DAO: variants seen among roughly 807,000 people sequenced by gnomAD.
DAO encodes the protein D-amino acid oxidase, also known as D-amino-acid oxidase.
A neutral mutation model predicts 50.1 loss-of-function variants in DAO; 51 were observed. The observed-to-expected ratio is 1.02, with a 90% CI of 0.81 to 1.29. The LOEUF (loss-of-function observed/expected upper bound fraction) is 1.29. Ranked by LOEUF, DAO falls within the 50% of genes most tolerant of loss-of-function variation. The pLI is 0.00. For synonymous variants in DAO, 160 were observed against 166.2 expected (o/e 0.96, Z 0.29); for missense variants, 436 against 439.4 (o/e 0.99, Z 0.07).
At chr12:108,895,668 GTGCA>G (rs2039545699) in intron 7 of DAO, among the ~76,000 whole-genome samples, 1 of 149,874 alleles carries the variant, frequency 6.7e-6, no homozygotes, top group African/African-American at 2.5e-5. Context: ...GTGAGGGTGT[GTGCA>G]TGTATGTAAG....
At chr12:108,881,803 A>G (rs1455651441) in intron 1 of DAO, among the ~76,000 whole-genome samples, 1 of 151,520 alleles carries the variant, frequency 6.6e-6, no homozygotes, top group Non-Finnish European at 1.5e-5. Flanking sequence ...ACAGGGTTTC[A>G]CCATATTGGC....
At chr12:108,899,170 T>C (rs1009498852) in intron 9 of DAO, among the ~76,000 whole-genome samples, 2 of 151,928 alleles carry the variant, frequency 1.3e-5, no homozygotes, top group Admixed American at 6.6e-5. Context: ...TGGTTGATGA[T>C]GGAATTGGTG....
intron 1 of DAO, among the ~76,000 whole-genome samples, chr12:108,880,865 G>A (rs2039370262): frequency 6.6e-6 from 1 of 152,082 alleles, no homozygotes; most frequent in Non-Finnish European, 1.5e-5. Flanking sequence ...GCATCAAGTG[G>A]CAACTGCATG....
intron 4 of DAO, among the ~76,000 whole-genome samples, chr12:108,889,783 A>T (rs1310494558): frequency 6.6e-6 from 1 of 152,052 alleles, no homozygotes; most frequent in African/African-American, 2.4e-5. Flanking sequence ...ATATCACCAT[A>T]TTGTTTTGTA....
At chr12:108,894,853 C>G (rs960173057) in intron 7 of DAO, among the ~76,000 whole-genome samples, 16 of 152,228 alleles carry the variant, frequency 1.1e-4, no homozygotes, top group South Asian at 8.3e-4. Context: ...GCTGAGACTA[C>G]AAGCGCATGC....
At chr12:108,895,350 TGCATGTGTGTGAGGGTGTGTGC>T (rs1438232865) in intron 7 of DAO, among the ~76,000 whole-genome samples, 8 of 150,348 alleles carry the variant, frequency 5.3e-5, no homozygotes, top group Non-Finnish European at 1.0e-4. Context: ...AGGGTGTGTG[TGCATGTGTGTGAGGGTGTGTGC>T]ATATGTGATG....
intron 1 of DAO, among the ~76,000 whole-genome samples, chr12:108,884,158 C>G (rs2039409766): frequency 6.6e-6 from 1 of 152,246 alleles, no homozygotes; most frequent in South Asian, 2.1e-4. Context: ...TGCTGGAAGA[C>G]CAAGTTCTGA....
intron 1 of DAO, among the ~76,000 whole-genome samples, chr12:108,882,036 C>T (rs1409095602): frequency 6.6e-6 from 1 of 151,898 alleles, no homozygotes; most frequent in Non-Finnish European, 1.5e-5. Flanking sequence ...TCAGCTGTTC[C>T]TATTTACCGG....
At chr12:108,897,157 C>T (rs2039569131) in intron 8 of DAO, 69 bp downstream of exon 8, 1 of 1,053,728 alleles carries the variant, frequency 9.5e-7, no homozygotes, top group South Asian at 1.3e-5. Flanking sequence ...CTGCTGCCTC[C>T]CCCAAGCTCC....
At chr12:108,890,097 C>A in intron 4 of DAO, 111 bp from the exon 5 acceptor site, 6 of 922,494 alleles carry the variant, frequency 6.5e-6, no homozygotes, top group Non-Finnish European at 1.1e-5. Flanking sequence ...GTGGTCCTGG[C>A]ACTACCCTTT....
At chr12:108,892,887 A>G (rs2039507252) in intron 5 of DAO, 95 bp from the exon 6 acceptor site, 2 of 1,094,954 alleles carry the variant, frequency 1.8e-6, no homozygotes, top group Admixed American at 1.7e-5. Context: ...TAACGTCCGC[A>G]GAAGGTTGTT....
intron 5 of DAO, among the ~76,000 whole-genome samples, chr12:108,892,159 C>CTTTTT (rs11356161): frequency 9.2e-5 from 10 of 108,988 alleles, no homozygotes; most frequent in Non-Finnish European, 1.4e-4. Flanking sequence ...TTTCTTTCTT[C>CTTTTT]TTTTTTTTTT....
chr12:108,886,284 A>G (rs2039435495), intron 2 of DAO, among the ~76,000 whole-genome samples: 1 of 152,196 alleles, frequency 6.6e-6, no homozygotes, highest in Non-Finnish European at 1.5e-5. Flanking sequence ...TTGGCCTCCC[A>G]AAGTGCTGGG....
chr12:108,894,266 G>GCTAC lies in DAO; in HGVS notation c.512_513insTACC (p.Arg172ThrfsTer48), dbSNP rs2039522673. On this transcript the variant is annotated frameshift_variant, in exon 7 of 11. Coordinates refer to ENST00000228476, the MANE Select transcript of DAO (RefSeq NM_001917.5). LOFTEE classifies it high-confidence loss of function. ...CTACCCTGTTGGTTGCTACCAGGTGGCAAGAGAAGGCGCAGACGTGATTGT... is the reference window on the plus strand; with the variant it reads ...CTACCCTGTTGGTTGCTACCAGGTGGCTACCAAGAGAAGGCGCAGACGTGATTGT... The GCTAC allele has an allele frequency of 3.1e-6, 5 of 1,613,472 alleles. No homozygotes were observed. Among genetic ancestry groups the GCTAC allele is most frequent in the Non-Finnish European group, 4.2e-6 (5 of 1,179,758 alleles).
At chr12:108,885,374 C>T (rs113210245) in intron 2 of DAO, among the ~76,000 whole-genome samples, 174 bp downstream of exon 2, 2 of 152,048 alleles carry the variant, frequency 1.3e-5, no homozygotes, top group African/African-American at 2.4e-5. Context: ...TTTGGGAGGT[C>T]GAGGTGGGAG....
At chr12:108,885,479 G>A (rs780821923) in intron 2 of DAO, among the ~76,000 whole-genome samples, 8 of 151,980 alleles carry the variant, frequency 5.3e-5, no homozygotes, top group Non-Finnish European at 7.4e-5. Context: ...GCATGGTGGC[G>A]CACACCTGTA....
At chr12:108,892,307 C>T (rs1488922542) in intron 5 of DAO, among the ~76,000 whole-genome samples, 2 of 151,552 alleles carry the variant, frequency 1.3e-5, no homozygotes, top group African/African-American at 4.9e-5. Flanking sequence ...GGAATACAGG[C>T]GCCTGCCACC....
chr12:108,891,110 C>T (rs2039486197), intron 5 of DAO, among the ~76,000 whole-genome samples: 1 of 152,148 alleles, frequency 6.6e-6, no homozygotes, highest in South Asian at 2.1e-4. Flanking sequence ...TGTCAGCCAC[C>T]ACGCCCAGCC....
chr12:108,885,624 G>T (rs1008051460), intron 2 of DAO, among the ~76,000 whole-genome samples: 2 of 152,106 alleles, frequency 1.3e-5, no homozygotes, highest in Admixed American at 6.5e-5. Flanking sequence ...ATAAAGAAAA[G>T]ATTCATAAAT....
Sources: gnomAD v4.1 joint callset for allele counts (sites outside exome capture counted in the v4.1 genomes callset) on GRCh38, gnomAD v4.1.1 for gene constraint, MANE v1.5 for transcripts, NCBI Gene and HGNC (gene_info 2026-07-23, HGNC 2026-07-21) for gene names.